TENM2: variants seen among roughly 807,000 people sequenced by gnomAD.
TENM2 encodes teneurin-2.
A neutral mutation model predicts 245.2 loss-of-function variants in TENM2; 52 were observed. The observed-to-expected ratio is 0.21, with a 90% CI of 0.17 to 0.27. TENM2 has a LOEUF of 0.27. Ranked by LOEUF, TENM2 falls within the 10% of genes least tolerant of loss-of-function variation. The pLI, the probability that TENM2 is intolerant of heterozygous loss-of-function variation, is 1.00. For missense variants in TENM2, 3,046 were observed against 3,666.8 expected, an observed-to-expected ratio of 0.83 and a Z score of 4.37; for synonymous variants, 1,363 against 1,438.9, an observed-to-expected ratio of 0.95 and a Z score of 1.19.
At chr5:168,041,747 C>A (rs1332707237) in intron 5 of TENM2, among the ~76,000 whole-genome samples, 1 of 152,198 alleles carries the variant, frequency 6.6e-6, no homozygotes, top group Non-Finnish European at 1.5e-5. Flanking sequence ...TAGGACACAT[C>A]TGACACCCAG....
chr5:167,109,690 A>G, the TENM2 span, among the ~76,000 whole-genome samples: 2 of 151,466 alleles, frequency 1.3e-5, no homozygotes, highest in African/African-American at 2.4e-5. Context: ...AGTGCTATAA[A>G]CCCTTTAATA....
At chr5:167,595,863 T>C (rs1298260260) in intron 2 of TENM2, among the ~76,000 whole-genome samples, 1 of 152,066 alleles carries the variant, frequency 6.6e-6, no homozygotes, top group Non-Finnish European at 1.5e-5. Context: ...TTCCCTTCCC[T>C]CTCCTCCCCC....
chr5:168,190,477 G>A (rs1760854904), exon 14 of TENM2: 1 of 1,613,838 alleles, frequency 6.2e-7, no homozygotes. Flanking sequence ...GTCCTTCTAT[G>A]ACCGTATCAA....
At chr5:167,017,582 A>T in the TENM2 span, among the ~76,000 whole-genome samples, 3 of 152,230 alleles carry the variant, frequency 2.0e-5, no homozygotes, top group East Asian at 5.8e-4. Flanking sequence ...GAGCTAGAGG[A>T]TAACTACACT....
intron 2 of TENM2, among the ~76,000 whole-genome samples, chr5:167,668,251 C>T (rs1360349857): frequency 6.6e-6 from 1 of 152,040 alleles, no homozygotes; most frequent in African/African-American, 2.4e-5. Context: ...CCAAGAGTCC[C>T]CTTATGAAGA....
At chr5:167,182,404 G>A in the TENM2 span, among the ~76,000 whole-genome samples, 1 of 152,000 alleles carries the variant, frequency 6.6e-6, no homozygotes, top group East Asian at 1.9e-4. Flanking sequence ...TGTAATCCCA[G>A]TTGTATTTTA....
chr5:167,648,355 A>G (rs1291978854), intron 2 of TENM2, among the ~76,000 whole-genome samples: 2 of 152,212 alleles, frequency 1.3e-5, no homozygotes, highest in Non-Finnish European at 2.9e-5. Flanking sequence ...ATAATTAGGA[A>G]TTCTACTATT....
Position 167,683,644 on chromosome 5 carries a change from TG to T in TENM2, c.503-192341del, listed in dbSNP as rs1476922450. ...TTCTTGAGATAGGGAAAACCATATT[TG>T]TCAGACCTGAAATTTATGTTTCTCT... is the stretch of plus-strand genomic sequence containing the variant. On this transcript the variant is annotated intron_variant, in intron 2 of 28. Coordinates refer to ENST00000518659, the Ensembl canonical transcript of TENM2. Among the ~76,000 whole-genome samples the T allele has an allele frequency of 6.6e-5, 10 of 152,310 alleles. No homozygotes were observed. The East Asian group carries it at 1.9e-3, about 29-fold the overall frequency.
At chr5:168,010,739 C>A (rs1291630543) in intron 5 of TENM2, among the ~76,000 whole-genome samples, 4 of 152,236 alleles carry the variant, frequency 2.6e-5, no homozygotes, top group African/African-American at 7.2e-5. Context: ...TGCAAACACT[C>A]CTATTCTGCA....
rs182507990 is a variant in TENM2, at chr5:167,810,407, A to G, written c.503-65579A>G. 1.6e-3 allele frequency among the ~76,000 whole-genome samples: 238 copies of G among 152,028 alleles called. 2 individuals carry two copies. Among genetic ancestry groups the G allele is most frequent in the African/African-American group, 5.4e-3 (224 of 41,478 alleles). On this transcript the variant is annotated intron_variant, in intron 2 of 28. Coordinates refer to ENST00000518659, the Ensembl canonical transcript of TENM2. ...TGTTTGGGTCCTTTTATTTCTTTAA[A>G]TCTTCATTTTTTCCCCTTAACGGAA...
chr5:167,655,948 C>T (rs957063836), intron 2 of TENM2, among the ~76,000 whole-genome samples: 2 of 152,194 alleles, frequency 1.3e-5, no homozygotes, highest in African/African-American at 4.8e-5. Flanking sequence ...TAACATCCTT[C>T]TGTCCTCTCT....
intron 2 of TENM2, among the ~76,000 whole-genome samples, chr5:167,752,321 C>T (rs1256104627): frequency 3.5e-5 from 5 of 143,794 alleles, no homozygotes; most frequent in African/African-American, 1.3e-4. Flanking sequence ...GCCATGTTGG[C>T]CATGCTGGTC....
At chr5:167,235,236 G>C in the TENM2 span, among the ~76,000 whole-genome samples, 2 of 152,074 alleles carry the variant, frequency 1.3e-5, no homozygotes, top group African/African-American at 4.8e-5. Flanking sequence ...CATTGGATTA[G>C]AGTCCCTCCT....
chr5:167,984,146 A>T (rs1323768061), intron 4 of TENM2, among the ~76,000 whole-genome samples: 2 of 152,230 alleles, frequency 1.3e-5, no homozygotes, highest in Non-Finnish European at 2.9e-5. Context: ...TATAGAAGCC[A>T]GGATGCAAAC....
At chr5:168,229,518 G>GT (rs1764630808) in intron 25 of TENM2, 1 of 135,400 alleles carries the variant, frequency 7.4e-6, no homozygotes, top group Admixed American at 6.9e-5. Context: ...TAGATCATAA[G>GT]TAAAAACTAA....
intron 2 of TENM2, among the ~76,000 whole-genome samples, chr5:167,421,241 G>A (rs1052549619): frequency 7.9e-5 from 12 of 152,284 alleles, no homozygotes; most frequent in Non-Finnish European, 1.5e-4. Flanking sequence ...GCTACTCAGT[G>A]TTGTTTTTCT....
At chr5:167,093,865 C>A in the TENM2 span, among the ~76,000 whole-genome samples, 3 of 152,164 alleles carry the variant, frequency 2.0e-5, no homozygotes, top group African/African-American at 7.2e-5. Context: ...GATAGACTAA[C>A]CCATAGCCAT....
At chr5:167,834,289 T>C (rs910448795) in intron 2 of TENM2, among the ~76,000 whole-genome samples, 14 of 152,202 alleles carry the variant, frequency 9.2e-5, no homozygotes, top group African/African-American at 3.4e-4. Flanking sequence ...GTATAGATCT[T>C]ACTACAAAAA....
chr5:167,118,648 A>G, the TENM2 span, among the ~76,000 whole-genome samples: 3 of 152,226 alleles, frequency 2.0e-5, no homozygotes, highest in African/African-American at 7.2e-5. Context: ...AAATTAATAA[A>G]GAAAGAGAGT....
Sources: gnomAD v4.1 joint callset for allele counts (sites outside exome capture counted in the v4.1 genomes callset) on GRCh38, gnomAD v4.1.1 for gene constraint, MANE v1.5 for transcripts, NCBI Gene and HGNC (gene_info 2026-07-23, HGNC 2026-07-21) for gene names.